THADA: variants seen among roughly 807,000 people sequenced by gnomAD.
The protein encoded by THADA is tRNA (32-2'-O)-methyltransferase regulator THADA.
THADA carries 213 observed loss-of-function variants against 219.8 expected under a neutral mutation model. That is an observed-to-expected ratio of 0.97 (90% CI 0.87 to 1.09). THADA has a LOEUF of 1.09. Ranked by LOEUF, THADA falls within the 50% of genes least tolerant of loss-of-function variation. The pLI, the probability that THADA is intolerant of heterozygous loss-of-function variation, is 0.00. For synonymous variants in THADA, 1,018 were observed against 828.9 expected, an observed-to-expected ratio of 1.23 and a Z score of -3.92; for missense variants, 2,956 against 2,311.3, an observed-to-expected ratio of 1.28 and a Z score of -5.72.
rs375840874 is a variant in THADA at position 43,233,238 on chromosome 2, G to C, written c.5297-356C>G. ...AGTGTCTCCTCTGCACATCTGCCTG[G>C]ATTTGACTGGTTTGCCCTTTCCTTG... On this transcript the variant is annotated intron_variant, in intron 36 of 37. Transcript: ENST00000405975. 3.3e-5 allele frequency: 7 copies of C among 211,554 alleles called. No homozygotes were observed. The East Asian group carries it at 7.2e-4, about 22-fold the overall frequency. The allele number at this position is 211,554 out of a possible 1,614,324, so 13.1% of individuals were successfully genotyped here.
chr2:43,275,003 T>C lies in THADA; in HGVS notation c.5296+4762A>G, dbSNP rs532398742. Reference sequence around the variant, plus strand: ...CCTTTCTTTTCTTTTCTTTTCTTTTTTTTTTTTTTTTGAGGGAGTCTCACT... The same window carrying C: ...CCTTTCTTTTCTTTTCTTTTCTTTTCTTTTTTTTTTTGAGGGAGTCTCACT... On this transcript the variant is annotated intron_variant, in intron 36 of 37. Coordinates refer to ENST00000405975, the MANE Select transcript of THADA (RefSeq NM_022065.5). Among the ~76,000 whole-genome samples, 22 of 148,816 alleles carry C rather than the reference T, an allele frequency of 1.5e-4. 1 individual carries two copies. The East Asian group carries it at 3.7e-3, about 25-fold the overall frequency.
chr2:43,244,976 C>G (rs906824017), intron 36 of THADA, among the ~76,000 whole-genome samples: 1 of 152,190 alleles, frequency 6.6e-6, no homozygotes, highest in African/African-American at 2.4e-5. Context: ...CACAGACTGG[C>G]AAGTGCTGGG....
chr2:43,275,074 A>G (rs987805297), intron 36 of THADA, among the ~76,000 whole-genome samples: 2 of 142,182 alleles, frequency 1.4e-5, no homozygotes, highest in Non-Finnish European at 3.0e-5. Context: ...GGCTCACTGC[A>G]TTACTGCGAA....
intron 27 of THADA, among the ~76,000 whole-genome samples, chr2:43,428,502 GGC>G (rs1480749899): frequency 3.9e-5 from 6 of 152,174 alleles, no homozygotes; most frequent in Non-Finnish European, 8.8e-5. Context: ...CTACTCGGGA[GGC>G]TGAGGTGGGA....
At chr2:43,232,297 G>A (rs1425513527) in intron 37 of THADA, among the ~76,000 whole-genome samples, 1 of 151,928 alleles carries the variant, frequency 6.6e-6, no homozygotes, top group African/African-American at 2.4e-5. Flanking sequence ...TCCTGCCTCA[G>A]CCTCCCGAGT....
intron 8 of THADA, among the ~76,000 whole-genome samples, chr2:43,581,513 C>T (rs1001317027): frequency 7.0e-6 from 1 of 142,504 alleles, no homozygotes; most frequent in Non-Finnish European, 1.5e-5. Context: ...CACTACACTC[C>T]AGCCTGGGCA....
At chr2:43,557,360 C>A (rs896379637) in intron 16 of THADA, among the ~76,000 whole-genome samples, 2 of 152,146 alleles carry the variant, frequency 1.3e-5, no homozygotes, top group African/African-American at 2.4e-5. Flanking sequence ...CTAGACAGGG[C>A]AGTTCATAGT....
intron 9 of THADA, among the ~76,000 whole-genome samples, chr2:43,577,576 T>A (rs988604287): frequency 7.2e-5 from 11 of 151,952 alleles, no homozygotes; most frequent in African/African-American, 2.7e-4. Context: ...GAAATAAACA[T>A]CTTCGACTTA....
intron 16 of THADA, 145 bp downstream of exon 16, chr2:43,560,089 G>C (rs1697869475): frequency 6.8e-6 from 4 of 592,390 alleles, no homozygotes; most frequent in Non-Finnish European, 1.1e-5. Context: ...CAAAATAGTA[G>C]AGAGGTGTTA....
chr2:43,500,759 A>C (rs991268444), intron 24 of THADA, among the ~76,000 whole-genome samples: 10 of 152,168 alleles, frequency 6.6e-5, no homozygotes, highest in African/African-American at 2.4e-4. Flanking sequence ...AAAACTAAAA[A>C]ATAGAAAGTT....
At chr2:43,303,568 TA>T (rs11348537) in intron 31 of THADA, among the ~76,000 whole-genome samples, 22,228 of 149,242 alleles carry the variant, frequency 0.15, 1,913 homozygotes, top group African/African-American at 0.24. Flanking sequence ...TTTGTTAAAT[TA>T]AAAAAAAAAT....
At chr2:43,595,550 G>A (rs1306256179) in intron 1 of THADA, 4 of 152,362 alleles carry the variant, frequency 2.6e-5, no homozygotes, top group Non-Finnish European at 5.9e-5. Context: ...CTAAACGTGT[G>A]TCCTGAAGAA....
intron 36 of THADA, among the ~76,000 whole-genome samples, chr2:43,261,372 C>T (rs1670925344): frequency 1.3e-5 from 2 of 151,334 alleles, no homozygotes; most frequent in African/African-American, 2.4e-5. Flanking sequence ...TACAGGCATG[C>T]ACCATCATGC....
At chr2:43,437,711 T>C (rs750358853) in intron 26 of THADA, among the ~76,000 whole-genome samples, 58 of 152,286 alleles carry the variant, frequency 3.8e-4, no homozygotes, top group South Asian at 2.3e-3. Flanking sequence ...TGCCTTTTGT[T>C]CTGGACTTTC....
chr2:43,365,278 C>T (rs753092606), intron 29 of THADA, among the ~76,000 whole-genome samples: 10 of 151,818 alleles, frequency 6.6e-5, no homozygotes, highest in Non-Finnish European at 1.5e-4. Flanking sequence ...GATTAAAGGG[C>T]GCAAGAATAT....
intron 24 of THADA, among the ~76,000 whole-genome samples, chr2:43,502,938 T>G (rs1456967040): frequency 6.6e-6 from 1 of 152,168 alleles, no homozygotes; most frequent in Non-Finnish European, 1.5e-5. Flanking sequence ...CAGACAACTT[T>G]CATATATAAA....
chr2:43,574,259 T>C (rs1340987891), intron 11 of THADA, 77 bp downstream of exon 11: 4 of 953,950 alleles, frequency 4.2e-6, no homozygotes, highest in East Asian at 2.6e-5. Flanking sequence ...AATTTGAATA[T>C]GATTAGTATC....
At chr2:43,499,876 T>A (rs1688721609) in intron 24 of THADA, among the ~76,000 whole-genome samples, 1 of 151,896 alleles carries the variant, frequency 6.6e-6, no homozygotes, top group Non-Finnish European at 1.5e-5. Context: ...ACGAATTAAG[T>A]CAAGAGAAAA....
At chr2:43,553,333 A>G (rs1286848045) in intron 17 of THADA, among the ~76,000 whole-genome samples, 1 of 152,068 alleles carries the variant, frequency 6.6e-6, no homozygotes, top group Non-Finnish European at 1.5e-5. Context: ...CCTAATCCCT[A>G]ATGTGATAAT....
Sources: gnomAD v4.1 joint callset for allele counts (sites outside exome capture counted in the v4.1 genomes callset) on GRCh38, gnomAD v4.1.1 for gene constraint, MANE v1.5 for transcripts, NCBI Gene and HGNC (gene_info 2026-07-23, HGNC 2026-07-21) for gene names.